The following NUDT3 variants were observed in gnomAD, a reference collection of about 807,000 sequenced individuals.
NUDT3 encodes the protein diphosphoinositol polyphosphate phosphohydrolase 1.
In NUDT3, 9 loss-of-function variants were observed where a neutral mutation model predicts 23.6. The observed-to-expected ratio is 0.38, with a 90% CI of 0.23 to 0.66. NUDT3 has a LOEUF of 0.66. Ranked by LOEUF, NUDT3 falls within the 30% of genes least tolerant of loss-of-function variation. The pLI, the probability that NUDT3 is intolerant of heterozygous loss-of-function variation, is 0.52. For missense variants in NUDT3, 172 were observed against 218.5 expected (o/e 0.79, Z 1.34); for synonymous variants, 86 against 82.6 (o/e 1.04, Z -0.22).
intron 2 of NUDT3, among the ~76,000 whole-genome samples, chr6:34,327,046 T>A (rs1043705185): frequency 3.3e-5 from 5 of 151,202 alleles, no homozygotes; most frequent in African/African-American, 1.2e-4. Flanking sequence ...GTAGTGGCCC[T>A]GAATGGCTGG....
At chr6:34,321,249 G>C (rs891419447) in intron 2 of NUDT3, among the ~76,000 whole-genome samples, 3 of 151,984 alleles carry the variant, frequency 2.0e-5, no homozygotes, top group African/African-American at 7.2e-5. Context: ...ACCAGCCTGG[G>C]CAACACAGTG....
intron 4 of NUDT3, among the ~76,000 whole-genome samples, chr6:34,291,564 G>C (rs1174811974): frequency 6.6e-6 from 1 of 151,892 alleles, no homozygotes; most frequent in Admixed American, 6.6e-5. Context: ...GTGCATTGGT[G>C]TATTCTTGGC....
intron 2 of NUDT3, among the ~76,000 whole-genome samples, chr6:34,320,121 T>G (rs1430001858): frequency 6.6e-6 from 1 of 151,822 alleles, no homozygotes; most frequent in Admixed American, 6.6e-5. Flanking sequence ...AAGCCCACAG[T>G]CAAGAAGGAG....
At position 34,284,803 on chromosome 6, in the gene NUDT3, A is replaced by G. The variant is rs146250953; in HGVS notation, c.*3950T>C. On this transcript the variant is annotated 3_prime_UTR_variant, in exon 5 of 5. Transcript: ENST00000607016. ...AAAGGGTGACTTTTTTCTTCTAAGC[A>G]AGCAAGCCTGAGAGGCATTACATGG... 6.6e-5 allele frequency: 10 copies of G among 152,210 alleles called. No homozygotes were observed. Among genetic ancestry groups the G allele is most frequent in the Non-Finnish European group, 1.0e-4 (7 of 68,042 alleles). The allele number at this position is 152,210 out of a possible 1,614,324, so 9.4% of individuals were successfully genotyped here.
chr6:34,368,689 A>G (rs992531758), intron 1 of NUDT3, among the ~76,000 whole-genome samples: 3 of 152,108 alleles, frequency 2.0e-5, no homozygotes, highest in Non-Finnish European at 4.4e-5. Context: ...CCCAGGCTGG[A>G]GTGCAGTGGC....
chr6:34,375,668 T>C (rs996504729), intron 1 of NUDT3, among the ~76,000 whole-genome samples: 5 of 152,222 alleles, frequency 3.3e-5, no homozygotes, highest in African/African-American at 1.2e-4. Context: ...CTCGAATTCA[T>C]GTCAATATAA....
chr6:34,365,071 T>C (rs1273712536), intron 1 of NUDT3, among the ~76,000 whole-genome samples: 5 of 152,090 alleles, frequency 3.3e-5, no homozygotes, highest in Non-Finnish European at 7.4e-5. Flanking sequence ...AGTAAAATAT[T>C]AGTCCATCCA....
At chr6:34,321,627 T>C (rs1763943870) in intron 2 of NUDT3, among the ~76,000 whole-genome samples, 1 of 152,122 alleles carries the variant, frequency 6.6e-6, no homozygotes, top group Non-Finnish European at 1.5e-5. Flanking sequence ...TGCTTAGAAG[T>C]GGCAAATCTC....
At position 34,285,182 on chromosome 6, in the gene NUDT3, C is replaced by T. The variant is rs1041262668; in HGVS notation, c.*3571G>A. 3 of 152,234 alleles carry T rather than the reference C, an allele frequency of 2.0e-5. No individual in the cohort carries two copies. Among genetic ancestry groups the T allele is most frequent in the Admixed American group, 2.0e-4 (3 of 15,284 alleles). The allele number at this position is 152,234 out of a possible 1,614,324, so 9.4% of individuals were successfully genotyped here. On this transcript the variant is annotated 3_prime_UTR_variant, in exon 5 of 5. Coordinates refer to ENST00000607016, the MANE Select transcript of NUDT3 (RefSeq NM_006703.4). Reference sequence around the variant, plus strand: ...GGTGGACACTTGTGAAAACAAAACACTAACTGTTCCATCCTGTTATATTTG... The same window carrying T: ...GGTGGACACTTGTGAAAACAAAACATTAACTGTTCCATCCTGTTATATTTG...
At chr6:34,353,558 C>G (rs1764511875) in intron 1 of NUDT3, among the ~76,000 whole-genome samples, 1 of 151,910 alleles carries the variant, frequency 6.6e-6, no homozygotes, top group Non-Finnish European at 1.5e-5. Context: ...CGTGCCATCA[C>G]ATCCAGCTAA....
At chr6:34,366,473 A>AAGGAAGGG (rs1222360899) in intron 1 of NUDT3, among the ~76,000 whole-genome samples, 21 of 29,810 alleles carry the variant, frequency 7.0e-4, no homozygotes, top group Non-Finnish European at 1.1e-3. Context: ...AGAGAGAGGG[A>AAGGAAGGG]AGGGAGGGAG....
intron 1 of NUDT3, among the ~76,000 whole-genome samples, chr6:34,351,226 A>AAAAAAAAAAAAAAAAAAAAC (rs1554154786): frequency 9.0e-5 from 12 of 133,974 alleles, no homozygotes; most frequent in African/African-American, 3.8e-4. Context: ...AAAAAAAAAA[A>AAAAAAAAAAAAAAAAAAAAC]CACTTTGGGA....
intron 2 of NUDT3, among the ~76,000 whole-genome samples, chr6:34,300,382 C>T (rs1373078203): frequency 2.6e-5 from 4 of 152,164 alleles, no homozygotes; most frequent in African/African-American, 9.7e-5. Context: ...CAGGGAGACC[C>T]AGATTCTGTC....
chr6:34,389,689 C>G (rs565284281), intron 1 of NUDT3, among the ~76,000 whole-genome samples: 27 of 152,206 alleles, frequency 1.8e-4, no homozygotes, highest in African/African-American at 6.3e-4. Flanking sequence ...AAAGGTCGGG[C>G]ACAGTGGCTC....
intron 2 of NUDT3, among the ~76,000 whole-genome samples, chr6:34,325,662 A>G (rs1309431003): frequency 6.6e-6 from 1 of 152,232 alleles, no homozygotes; most frequent in Non-Finnish European, 1.5e-5. Flanking sequence ...TTTACTACGG[A>G]GCCACATTTC....
intron 2 of NUDT3, among the ~76,000 whole-genome samples, chr6:34,305,182 C>A (rs538744767): frequency 4.0e-4 from 60 of 150,956 alleles, no homozygotes; most frequent in Admixed American, 3.8e-3. Flanking sequence ...GGGGTTTTAC[C>A]ATGTTGGCAG....
Position 34,302,327 on chromosome 6 carries a change from A to C in NUDT3, c.211-6642T>G, listed in dbSNP as rs2113702113. On this transcript the variant is annotated intron_variant, in intron 2 of 4. Coordinates refer to ENST00000607016, the MANE Select transcript of NUDT3 (RefSeq NM_006703.4). ...TGCTCTGTGGCAAATATTTTCTCCC[A>C]ATCTGGCACTTGTCTTTTACCCTTG... Among the ~76,000 whole-genome samples the C allele has an allele frequency of 3.3e-5, 5 of 152,040 alleles. No individual in the cohort carries two copies. In the East Asian group the frequency reaches 9.7e-4, roughly 29 times the overall value.
At chr6:34,297,760 A>ATATATTTTTTTTTT (rs1763535832) in intron 2 of NUDT3, among the ~76,000 whole-genome samples, 2 of 53,654 alleles carry the variant, frequency 3.7e-5, no homozygotes, top group East Asian at 8.8e-4. Context: ...TATATATATA[A>ATATATTTTTTTTTT]TTTTTTTTTT....
intron 2 of NUDT3, among the ~76,000 whole-genome samples, chr6:34,341,550 C>T (rs796958909): frequency 2.0e-5 from 3 of 152,198 alleles, no homozygotes; most frequent in South Asian, 4.1e-4. Flanking sequence ...GTTCCTCTTA[C>T]TCCTTAGAGG....
Sources: allele counts gnomAD v4.1 joint callset (sites outside exome capture counted in the v4.1 genomes callset), GRCh38; gene constraint gnomAD v4.1.1; transcripts MANE v1.5; gene names NCBI Gene and HGNC (gene_info 2026-07-23, HGNC 2026-07-21).